Variants in ADGRA2 observed in about 807,000 individuals in gnomAD.
The protein encoded by ADGRA2 is G-protein coupled receptor 124.
A neutral mutation model predicts 98.7 loss-of-function variants in ADGRA2; 61 were observed. The ratio of observed to expected loss-of-function variants is 0.62; its 90% confidence interval spans 0.50 to 0.76. The LOEUF is 0.76. Among genes scored for constraint, ADGRA2 ranks in the 30% least tolerant of loss-of-function variants. The pLI is 0.00. For missense variants in ADGRA2, 1,712 were observed against 1,860.0 expected (o/e 0.92, Z 1.46); for synonymous variants, 858 against 831.5 (o/e 1.03, Z -0.55).
At chr8:37,831,797 GC>G (rs1805461890) in intron 8 of ADGRA2, among the ~76,000 whole-genome samples, 1 of 152,240 alleles carries the variant, frequency 6.6e-6, no homozygotes, top group Non-Finnish European at 1.5e-5. Flanking sequence ...GGGTGCAGTG[GC>G]TCACGCCTAC....
rs1175799537 is a variant in ADGRA2 at position 37,844,287 on chromosome 8, A to C, written c.*1932A>C. 4.9e-6 allele frequency: 3 copies of C among 609,882 alleles called. No individual in the cohort carries two copies. The highest frequency in any genetic ancestry group is 8.7e-6 in the Non-Finnish European group (3 of 345,396). 37.8% of individuals were successfully genotyped at this position (609,882 alleles called of 1,614,324 possible). On this transcript the variant is annotated 3_prime_UTR_variant, in exon 19 of 19. Transcript: ENST00000412232. ...GCAACTTGCTCTCCCACACCAAGGG[A>C]TGGGAATCTCTCCTACCTATAGTCA...
In ADGRA2 at chr8:37,841,443, C is replaced by A; in HGVS notation, c.3105C>A (p.Cys1035Ter). The A allele has an allele frequency of 2.5e-6, 4 of 1,612,814 alleles. No homozygotes were observed. The highest frequency in any genetic ancestry group is 3.4e-6 in the Non-Finnish European group (4 of 1,179,762). Residue 1035 changes from cysteine (C) to a stop codon, truncating the protein, a stop_gained, in exon 19 of 19, where the codon TGC becomes TGA. Transcript: ENST00000412232. LOFTEE classifies it low-confidence loss of function (END_TRUNC). The surrounding 1 kb of genome is among the most constrained non-coding windows in gnomAD (Gnocchi z 5.0). ...THFLYLAMWACGALAVSQRWL... is the reference protein window; with the variant it reads ...THFLYLAMWA ...TCCTGTACTTGGCCATGTGGGCCTG[C>A]GGGGCTCTGGCAGTGTCCCAGCGCT...
rs141018562 is a variant in ADGRA2, at chr8:37,830,395, T to C, written c.719-315T>C. ...CTCCAGGGCATCCCCTTTCCCTCGGTGTCCCGGGGTCAGTCCTCCATCAGC... is the reference window on the plus strand; with the variant it reads ...CTCCAGGGCATCCCCTTTCCCTCGGCGTCCCGGGGTCAGTCCTCCATCAGC... On this transcript the variant is annotated intron_variant, in intron 6 of 18. Coordinates refer to ENST00000412232, the MANE Select transcript of ADGRA2 (RefSeq NM_032777.10). This position sits in a 1 kb window ranked among gnomAD's most constrained non-coding sequence, Gnocchi z 4.8. Among the ~76,000 whole-genome samples, 400 of 152,328 alleles carry C rather than the reference T, an allele frequency of 2.6e-3. 2 individuals are homozygous for C. Among genetic ancestry groups the C allele is most frequent in the African/African-American group, 9.3e-3 (388 of 41,558 alleles).
intron 14 of ADGRA2, among the ~76,000 whole-genome samples, chr8:37,838,511 C>T (rs945841948): frequency 6.6e-6 from 1 of 152,140 alleles, no homozygotes; most frequent in Non-Finnish European, 1.5e-5. Flanking sequence ...CCTCAGCCTC[C>T]CAAAGTGCTG....
Position 37,841,358 on chromosome 8 carries a change from A to C in ADGRA2, c.3020A>C (p.Glu1007Ala), listed in dbSNP as rs769927522. 6.2e-7 allele frequency: 1 copy of C among 1,607,742 alleles called. No homozygotes were observed. Among genetic ancestry groups the C allele is most frequent in the East Asian group, 2.2e-5 (1 of 44,624 alleles). ...SARVGTPGPP[E>A]DGDSLYSPGV... is the part of the protein sequence containing the mutation. Reference sequence around the variant, plus strand: ...CGAGTGGGGACGCCCGGGCCCCCGGAGGATGGTGACAGCCTCTATTCTCCG... The same window carrying C: ...CGAGTGGGGACGCCCGGGCCCCCGGCGGATGGTGACAGCCTCTATTCTCCG... The change falls in exon 19 of 19, where the codon GAG (glutamate) becomes GCG (alanine). Residue 1007 changes from glutamate (E) to alanine (A), a missense_variant. Transcript: ENST00000412232. The surrounding 1 kb of genome is among the most constrained non-coding windows in gnomAD (Gnocchi z 5.0).
intron 2 of ADGRA2, among the ~76,000 whole-genome samples, chr8:37,826,623 G>A (rs1056530771): frequency 5.9e-5 from 9 of 152,154 alleles, no homozygotes; most frequent in Non-Finnish European, 1.0e-4. Flanking sequence ...TCCCCTGGCC[G>A]TGGGAAGGGC....
chr8:37,827,190 A>C (rs1457824247), intron 2 of ADGRA2, among the ~76,000 whole-genome samples: 2 of 152,258 alleles, frequency 1.3e-5, no homozygotes, highest in Non-Finnish European at 2.9e-5. Context: ...AGCTCAGGAA[A>C]GAGCCAGCTG....
chr8:37,835,777 G>A lies in ADGRA2; in HGVS notation c.2050+7G>A. 1 of 1,590,918 alleles carries A rather than the reference G, an allele frequency of 6.3e-7. No homozygotes were observed. The highest frequency in any genetic ancestry group is 2.2e-5 in the East Asian group (1 of 44,706). On this transcript the variant is annotated splice_region_variant and intron_variant, in intron 13 of 18. Transcript: ENST00000412232. ...GTCATCTTCGCAGGAACCAGTAAGG[G>A]ACTGAATTCCCCGCCCCGCCCAGGG...
chr8:37,830,669 C>A lies in ADGRA2; in HGVS notation c.719-41C>A. 8.9e-7 allele frequency: 1 copy of A among 1,129,092 alleles called. No homozygotes were observed. Among genetic ancestry groups the A allele is most frequent in the East Asian group, 3.8e-5 (1 of 26,202 alleles). The allele number at this position is 1,129,092 out of a possible 1,614,324, so 69.9% of individuals were successfully genotyped here. Reference sequence around the variant, plus strand: ...TCGCTCACACGTGCAGCCTCACATGCGTGTGCACTCGGGCCTCACGCCTGG... The same window carrying A: ...TCGCTCACACGTGCAGCCTCACATGAGTGTGCACTCGGGCCTCACGCCTGG... On this transcript the variant is annotated intron_variant, in intron 6 of 18. Coordinates refer to ENST00000412232, the MANE Select transcript of ADGRA2 (RefSeq NM_032777.10). This position sits in a 1 kb window ranked among gnomAD's most constrained non-coding sequence, Gnocchi z 4.8.
At position 37,840,106 on chromosome 8, in the gene ADGRA2, G is replaced by A. The variant is rs375210549; in HGVS notation, c.2512-15G>A. On this transcript the variant is annotated splice_polypyrimidine_tract_variant and intron_variant, in intron 16 of 18. Coordinates refer to ENST00000412232, the MANE Select transcript of ADGRA2 (RefSeq NM_032777.10). The stretch of plus-strand genomic sequence containing the variant: ...TAGTCCCCAGGTCCCCAGCCTCCGT[G>A]CCTTGACCCCGCAGGTGGGCATCAC... The A allele has an allele frequency of 2.5e-6, 4 of 1,570,402 alleles. No homozygotes were observed. The highest frequency in any genetic ancestry group is 3.4e-6 in the Non-Finnish European group (4 of 1,163,308).
chr8:37,840,091 G>C, intron 16 of ADGRA2, 30 bp from the exon 17 acceptor site: 1 of 1,547,848 alleles, frequency 6.5e-7, no homozygotes, highest in South Asian at 1.2e-5. Flanking sequence ...TAGTCCCCAG[G>C]TCCCCAGCCT....
Position 37,814,810 on chromosome 8 carries a change from A to T in ADGRA2, c.267-86A>T. ...ACTCCAGGGGGCGCCATTGACAAAGATGCAAGCTGGCCCCACCAGTGGTGA... is the reference window on the plus strand; with the variant it reads ...ACTCCAGGGGGCGCCATTGACAAAGTTGCAAGCTGGCCCCACCAGTGGTGA... On this transcript the variant is annotated intron_variant, in intron 1 of 18. Coordinates refer to ENST00000412232, the MANE Select transcript of ADGRA2 (RefSeq NM_032777.10). This position sits in a 1 kb window ranked among gnomAD's most constrained non-coding sequence, Gnocchi z 4.3. The T allele has an allele frequency of 1.1e-6, 1 of 949,032 alleles. No individual in the cohort carries two copies. Among genetic ancestry groups the T allele is most frequent in the South Asian group, 1.3e-5 (1 of 75,016 alleles). 58.8% of individuals were successfully genotyped at this position (949,032 alleles called of 1,614,324 possible).
intron 2 of ADGRA2, among the ~76,000 whole-genome samples, chr8:37,824,226 T>G (rs567516588): frequency 4.6e-5 from 7 of 152,114 alleles, no homozygotes; most frequent in African/African-American, 1.7e-4. Context: ...GAGATGGGTT[T>G]CACCATGTTA....
Position 37,814,779 on chromosome 8 carries a change from C to A in ADGRA2, c.267-117C>A. On this transcript the variant is annotated intron_variant, in intron 1 of 18. Coordinates refer to ENST00000412232, the MANE Select transcript of ADGRA2 (RefSeq NM_032777.10). This position sits in a 1 kb window ranked among gnomAD's most constrained non-coding sequence, Gnocchi z 4.3. ...AAGTAGAGGGTGGGGGCTGCTGCCTCGCACAACTCCAGGGGGCGCCATTGA... is the reference window on the plus strand; with the variant it reads ...AAGTAGAGGGTGGGGGCTGCTGCCTAGCACAACTCCAGGGGGCGCCATTGA... 1.3e-6 allele frequency: 1 copy of A among 747,580 alleles called. No homozygotes were observed. The highest frequency in any genetic ancestry group is 2.4e-6 in the Non-Finnish European group (1 of 416,070). The allele number at this position is 747,580 out of a possible 1,614,324, so 46.3% of individuals were successfully genotyped here. A position where few individuals can be genotyped will look rare whatever the true frequency, so the allele number is the denominator to read the frequency against.
intron 1 of ADGRA2, among the ~76,000 whole-genome samples, chr8:37,812,072 A>C (rs1354856794): frequency 1.3e-5 from 2 of 152,012 alleles, no homozygotes; most frequent in Non-Finnish European, 2.9e-5. Context: ...ATTGCACTCC[A>C]GTCTGGGCCA....
chr8:37,838,911 C>T (rs371225881), intron 14 of ADGRA2, 45 bp from the exon 15 acceptor site: 54 of 1,523,774 alleles, frequency 3.5e-5, no homozygotes, highest in Non-Finnish European at 4.2e-5. Flanking sequence ...GGGGGCCTGG[C>T]GAGGTGTCCA....
chr8:37,840,313 G>T, intron 17 of ADGRA2, 47 bp downstream of exon 17: 1 of 1,595,366 alleles, frequency 6.3e-7, no homozygotes, highest in Non-Finnish European at 8.5e-7. Flanking sequence ...GGACTCCAAC[G>T]CAGGCGTAGG....
At position 37,839,516 on chromosome 8, in the gene ADGRA2, G is replaced by A. The variant is rs770071611; in HGVS notation, c.2405G>A (p.Arg802Gln). 5.6e-6 allele frequency: 9 copies of A among 1,614,008 alleles called. No homozygotes were observed. Among genetic ancestry groups the A allele is most frequent in the South Asian group, 1.1e-5 (1 of 91,090 alleles). The change falls in exon 16 of 19, where the codon CGG becomes CAG. Residue 802 changes from arginine (R) to glutamine (Q), a missense_variant. Coordinates refer to ENST00000412232, the MANE Select transcript of ADGRA2 (RefSeq NM_032777.10). ...CCGGGCAGCTCCATCCGTGTGTCCC[G>A]GAAAGGCTGGCACATGCTGCTGAAC... Reference protein sequence around the residue: ...ILNHSSIRVSRKGWHMLLNLC... With the variant: ...ILNHSSIRVSQKGWHMLLNLC...
At chr8:37,798,067 G>C (rs1258308076) in intron 1 of ADGRA2, among the ~76,000 whole-genome samples, 1 of 152,114 alleles carries the variant, frequency 6.6e-6, no homozygotes, top group East Asian at 1.9e-4. Flanking sequence ...CTTCCAGCCG[G>C]TCTCCTTAGG....
Sources: gnomAD v4.1 joint callset for allele counts (sites outside exome capture counted in the v4.1 genomes callset) on GRCh38, gnomAD v4.1.1 for gene constraint, Gnocchi (gnomAD v3.1) non-coding constraint, MANE v1.5 for transcripts, NCBI Gene and HGNC (gene_info 2026-07-23, HGNC 2026-07-21) for gene names.